The following IGF1R variants were observed in gnomAD, a reference collection of about 807,000 sequenced individuals.
IGF1R encodes the protein insulin-like growth factor 1 receptor.
IGF1R carries 44 observed loss-of-function variants against 144.6 expected under a neutral mutation model. The observed-to-expected ratio is 0.30, with a 90% CI of 0.24 to 0.39. IGF1R has a LOEUF of 0.39. IGF1R is among the 10% of genes least tolerant of loss of function. The probability of loss-of-function intolerance (pLI) is 1.00; values close to 1 mark genes in which losing one functional copy is unlikely to be tolerated. For missense variants in IGF1R, 1,355 were observed against 1,833.7 expected (o/e 0.74, Z 4.77); for synonymous variants, 795 against 722.8 (o/e 1.10, Z -1.60).
intron 2 of IGF1R, among the ~76,000 whole-genome samples, chr15:98,866,852 T>A (rs2012477315): frequency 6.6e-6 from 1 of 152,214 alleles, no homozygotes; most frequent in East Asian, 1.9e-4. Context: ...AAATGTGTGA[T>A]CCTTTTTAGA....
chr15:98,717,335 A>AT (rs11454053), intron 2 of IGF1R, among the ~76,000 whole-genome samples: 112,523 of 150,276 alleles, frequency 0.75, 42,183 homozygotes, highest in African/African-American at 0.8. Context: ...AGCTGCTGCT[A>AT]TTTTTTTTTT....
intron 7 of IGF1R, among the ~76,000 whole-genome samples, chr15:98,912,352 C>G (rs1445302663): frequency 6.6e-6 from 1 of 152,230 alleles, no homozygotes; most frequent in East Asian, 1.9e-4. Flanking sequence ...CTCATGATCT[C>G]CCATCCCATG....
chr15:98,958,000 G>T lies in IGF1R; in HGVS notation c.*558G>T, dbSNP rs1468590716. The T allele has an allele frequency of 1.3e-5, 3 of 234,668 alleles. No individual in the cohort carries two copies. The highest frequency in any genetic ancestry group is 6.6e-5 in the African/African-American group (3 of 45,334). 14.5% of individuals were successfully genotyped at this position (234,668 alleles called of 1,614,324 possible). ...TACAAAGGGCCATCGTTCATCCAAG[G>T]CTGTTACCATTTTAACGCTGCCTAA... On this transcript the variant is annotated 3_prime_UTR_variant, in exon 21 of 21. Transcript: ENST00000650285.
intron 2 of IGF1R, among the ~76,000 whole-genome samples, chr15:98,757,264 A>C (rs1345339368): frequency 1.3e-5 from 2 of 152,018 alleles, no homozygotes; most frequent in Non-Finnish European, 2.9e-5. Flanking sequence ...CCTGGATTCA[A>C]GTGGTTCTCC....
intron 3 of IGF1R, 74 bp from the exon 4 acceptor site, chr15:98,896,683 C>A: frequency 1.4e-6 from 2 of 1,439,790 alleles, no homozygotes; most frequent in Non-Finnish European, 9.7e-7. Context: ...AAAAGCATAT[C>A]CTTATGGTTT....
chr15:98,793,857 T>C (rs762179190), intron 2 of IGF1R, among the ~76,000 whole-genome samples: 12 of 152,212 alleles, frequency 7.9e-5, no homozygotes, highest in Non-Finnish European at 1.5e-4. Flanking sequence ...TTGAGACCCT[T>C]AAAGGTGGGG....
chr15:98,697,847 C>T (rs758703597), intron 1 of IGF1R, among the ~76,000 whole-genome samples: 31 of 150,250 alleles, frequency 2.1e-4, no homozygotes, highest in Non-Finnish European at 4.2e-4. Flanking sequence ...AGGCGATTCT[C>T]ATGCCTCAGC....
intron 8 of IGF1R, among the ~76,000 whole-genome samples, chr15:98,913,880 CTAGTT>C (rs1281098329): frequency 6.6e-6 from 1 of 152,128 alleles, no homozygotes; most frequent in East Asian, 1.9e-4. Context: ...TATATAAAAA[CTAGTT>C]TAGAAGTAGG....
At chr15:98,669,252 G>C (rs1192537007) in intron 1 of IGF1R, among the ~76,000 whole-genome samples, 1 of 152,158 alleles carries the variant, frequency 6.6e-6, no homozygotes, top group Non-Finnish European at 1.5e-5. Flanking sequence ...ACCTGCGCAA[G>C]GGTGTTTAGC....
At position 98,666,798 on chromosome 15, in the gene IGF1R, T is replaced by C. The variant is rs543845719; in HGVS notation, c.94+17123T>C. Among the ~76,000 whole-genome samples, 49 of 152,258 alleles carry C rather than the reference T, an allele frequency of 3.2e-4. No individual in the cohort carries two copies. In the South Asian group the frequency reaches 4.6e-3, roughly 14 times the overall value. Reference sequence around the variant, plus strand: ...GGTACAGAGTTTCAGTTTGGGAACATGTAAAAGTTCTAGAGGTGGATGGTT... The same window carrying C: ...GGTACAGAGTTTCAGTTTGGGAACACGTAAAAGTTCTAGAGGTGGATGGTT... On this transcript the variant is annotated intron_variant, in intron 1 of 20. Coordinates refer to ENST00000650285, the MANE Select transcript of IGF1R (RefSeq NM_000875.5).
chr15:98,783,784 T>C (rs1487383240), intron 2 of IGF1R, among the ~76,000 whole-genome samples: 1 of 152,134 alleles, frequency 6.6e-6, no homozygotes, highest in Non-Finnish European at 1.5e-5. Flanking sequence ...TAGGTGTCAC[T>C]TGCTACATTT....
intron 2 of IGF1R, among the ~76,000 whole-genome samples, chr15:98,735,829 C>A (rs184628434): frequency 2.2e-4 from 33 of 152,328 alleles, no homozygotes; most frequent in African/African-American, 7.2e-4. Context: ...GGGATACTTA[C>A]AGTGGTGCTC....
intron 1 of IGF1R, among the ~76,000 whole-genome samples, chr15:98,651,586 G>A (rs935678670): frequency 6.6e-6 from 1 of 152,252 alleles, no homozygotes; most frequent in Non-Finnish European, 1.5e-5. Flanking sequence ...CAAAACAGCA[G>A]GGATGGCCTT....
intron 19 of IGF1R, among the ~76,000 whole-genome samples, chr15:98,944,872 T>C (rs1002540757): frequency 6.6e-6 from 1 of 151,798 alleles, no homozygotes; most frequent in African/African-American, 2.4e-5. Flanking sequence ...CGTGTTCTGC[T>C]ACGTCAGCCT....
chr15:98,686,667 T>A (rs888159236), intron 1 of IGF1R, among the ~76,000 whole-genome samples: 1 of 146,770 alleles, frequency 6.8e-6, no homozygotes, highest in African/African-American at 2.5e-5. Flanking sequence ...AATGAAGTAT[T>A]TAATTTTTTT....
In IGF1R at chr15:98,957,502, GGGA is replaced by G. The variant is rs1198090028; in HGVS notation, c.*62_*64del. 1 of 1,605,832 alleles carries G rather than the reference GGGA, an allele frequency of 6.2e-7. No individual in the cohort carries two copies. Among genetic ancestry groups the G allele is most frequent in the Non-Finnish European group, 8.5e-7 (1 of 1,175,854 alleles). On this transcript the variant is annotated 3_prime_UTR_variant, in exon 21 of 21. Coordinates refer to ENST00000650285, the MANE Select transcript of IGF1R (RefSeq NM_000875.5). ...GTGCGCACGCGCAGCGGGGTGGGGG[GGGA>G]GAGAGAGTTTTAACAATCCATTCAC...
chr15:98,770,326 C>A (rs1000553769), intron 2 of IGF1R, among the ~76,000 whole-genome samples: 1 of 152,020 alleles, frequency 6.6e-6, no homozygotes, highest in African/African-American at 2.4e-5. Context: ...GTGATGGTTA[C>A]CAGAGACTGG....
At chr15:98,924,168 TA>T (rs2015610809) in intron 12 of IGF1R, among the ~76,000 whole-genome samples, 156 bp downstream of exon 12, 1 of 152,268 alleles carries the variant, frequency 6.6e-6, no homozygotes, top group Non-Finnish European at 1.5e-5. Context: ...ACCCACTCTG[TA>T]CTCTCCAAGG....
At chr15:98,805,786 A>C (rs2056458514) in intron 2 of IGF1R, among the ~76,000 whole-genome samples, 1 of 152,210 alleles carries the variant, frequency 6.6e-6, no homozygotes, top group Non-Finnish European at 1.5e-5. Flanking sequence ...AGGACTCTGA[A>C]CTGTTGCTAC....
Sources: gnomAD v4.1 joint callset for allele counts (sites outside exome capture counted in the v4.1 genomes callset) on GRCh38, gnomAD v4.1.1 for gene constraint, MANE v1.5 for transcripts, NCBI Gene and HGNC (gene_info 2026-07-23, HGNC 2026-07-21) for gene names.